Variants in PLXNC1 observed in about 807,000 individuals in gnomAD.
PLXNC1 encodes the protein plexin C1, also known as plexin-C1.
A neutral mutation model predicts 178.2 loss-of-function variants in PLXNC1; 75 were observed. That is an observed-to-expected ratio of 0.42 (90% CI 0.35 to 0.51). PLXNC1 has a LOEUF of 0.51. Ranked by LOEUF, PLXNC1 falls within the 20% of genes least tolerant of loss-of-function variation. PLXNC1 has a pLI of 0.02. For missense variants in PLXNC1, 1,503 were observed against 1,984.4 expected (o/e 0.76, Z 4.61); for synonymous variants, 790 against 779.9 (o/e 1.01, Z -0.22).
Position 94,251,500 on chromosome 12 carries a change from C to A in PLXNC1, c.2853C>A (p.Leu951=), listed in dbSNP as rs1003485317. The A allele has an allele frequency of 1.9e-6, 3 of 1,611,128 alleles. No homozygotes were observed. Among genetic ancestry groups the A allele is most frequent in the South Asian group, 2.2e-5 (2 of 91,012 alleles). The change falls in exon 15 of 31, where the codon CTC becomes CTA. Residue 951 remains leucine, a synonymous_variant. Coordinates refer to ENST00000258526, the MANE Select transcript of PLXNC1 (RefSeq NM_005761.3). ...VPSTWYFLIV[L]PVLLVIVIFA... is the part of the protein sequence containing the mutation. ...CCACATGGTATTTTCTGATTGTGCT[C>A]CCTGTCTTGCTAGTGATTGTCATTT... is the stretch of plus-strand genomic sequence containing the variant.
At chr12:94,238,104 A>G (rs1964289371) in intron 10 of PLXNC1, among the ~76,000 whole-genome samples, 2 of 152,206 alleles carry the variant, frequency 1.3e-5, no homozygotes, top group Non-Finnish European at 2.9e-5. Flanking sequence ...AATCAAGTAT[A>G]TGGAGTAGCA....
intron 1 of PLXNC1, among the ~76,000 whole-genome samples, chr12:94,165,077 A>G (rs1961558071): frequency 6.6e-6 from 1 of 152,206 alleles, no homozygotes; most frequent in Non-Finnish European, 1.5e-5. Context: ...AATAAATTAC[A>G]CATAATAAAC....
intron 4 of PLXNC1, among the ~76,000 whole-genome samples, chr12:94,201,302 G>GC (rs1963108522): frequency 6.6e-6 from 1 of 152,252 alleles, no homozygotes; most frequent in African/African-American, 2.4e-5. Flanking sequence ...TGGGCATTGA[G>GC]CTGGTGTGTG....
At chr12:94,173,637 A>G (rs1297417737) in intron 2 of PLXNC1, among the ~76,000 whole-genome samples, 1 of 152,200 alleles carries the variant, frequency 6.6e-6, no homozygotes, top group African/African-American at 2.4e-5. Flanking sequence ...TCTGAACCAA[A>G]ATAATCTGTC....
rs368564933 is a variant in PLXNC1 at position 94,282,350 on chromosome 12, C to T, written c.3828C>T (p.Ser1276=). 38 of 1,613,928 alleles carry T rather than the reference C, an allele frequency of 2.4e-5. No homozygotes were observed. In the South Asian group the frequency reaches 2.6e-4, roughly 11 times the overall value. ...AACTTCTGGACATCGACAGTTCCTC[C>T]GTGATTCTTGAAGATGGAATCACCA... ...QKELLDIDSS[S]VILEDGITKL... The change falls in exon 23 of 31, where the codon TCC becomes TCT. Residue 1276 remains serine (S), a synonymous_variant. Transcript: ENST00000258526.
At chr12:94,193,396 G>C (rs563508190) in intron 4 of PLXNC1, among the ~76,000 whole-genome samples, 2 of 152,222 alleles carry the variant, frequency 1.3e-5, no homozygotes, top group South Asian at 4.1e-4. Context: ...GTGGATTAGA[G>C]AGCTATTTAG....
chr12:94,286,643 T>C (rs1466633865), intron 23 of PLXNC1, among the ~76,000 whole-genome samples: 1 of 131,608 alleles, frequency 7.6e-6, no homozygotes, highest in South Asian at 2.4e-4. Flanking sequence ...AAAAAAAAAA[T>C]TCATTTAAAA....
At chr12:94,207,141 T>G (rs143978792) in intron 4 of PLXNC1, among the ~76,000 whole-genome samples, 114 of 152,324 alleles carry the variant, frequency 7.5e-4, no homozygotes, top group African/African-American at 2.6e-3. Flanking sequence ...TTATACATAC[T>G]TGGTGTCATG....
chr12:94,250,973 A>T (rs764720463), intron 14 of PLXNC1, among the ~76,000 whole-genome samples: 3 of 152,164 alleles, frequency 2.0e-5, no homozygotes, highest in Non-Finnish European at 4.4e-5. Context: ...GTGGGCTATG[A>T]TCACACCACT....
Position 94,186,500 on chromosome 12 carries a change from C to G in PLXNC1, c.1439+27C>G, listed in dbSNP as rs1049370501. On this transcript the variant is annotated intron_variant, in intron 4 of 30. Transcript: ENST00000258526. The stretch of plus-strand genomic sequence containing the variant: ...TATCTCCTGAATTCTTTCTCACCAA[C>G]TCGCATTTTTGAAAAAGTGTCATGC... 13 of 1,506,322 alleles carry G rather than the reference C, an allele frequency of 8.6e-6. No homozygotes were observed. In the Admixed American group the frequency reaches 2.2e-4, roughly 25 times the overall value. 93.3% of individuals were successfully genotyped at this position (1,506,322 alleles called of 1,614,324 possible).
chr12:94,236,252 C>T (rs1042958018), intron 9 of PLXNC1, among the ~76,000 whole-genome samples: 8 of 152,216 alleles, frequency 5.3e-5, no homozygotes, highest in African/African-American at 1.7e-4. Flanking sequence ...ATGACATTAA[C>T]AATGAATTTA....
intron 21 of PLXNC1, among the ~76,000 whole-genome samples, chr12:94,273,723 C>A (rs996229003): frequency 6.6e-6 from 1 of 152,202 alleles, no homozygotes; most frequent in Non-Finnish European, 1.5e-5. Context: ...GTGCCCTGCA[C>A]ACAATAGGTG....
chr12:94,166,706 C>T (rs559279612), intron 1 of PLXNC1, among the ~76,000 whole-genome samples: 6 of 151,984 alleles, frequency 3.9e-5, no homozygotes, highest in Admixed American at 2.0e-4. Context: ...CAAATGTAAA[C>T]GAGTGCTGGG....
chr12:94,202,452 A>G (rs1963167802), intron 4 of PLXNC1, among the ~76,000 whole-genome samples: 1 of 152,196 alleles, frequency 6.6e-6, no homozygotes, highest in African/African-American at 2.4e-5. Flanking sequence ...GTAGCTGGAG[A>G]GACAGGCAGG....
At chr12:94,203,949 C>G (rs943279931) in intron 4 of PLXNC1, among the ~76,000 whole-genome samples, 3 of 152,212 alleles carry the variant, frequency 2.0e-5, no homozygotes, top group African/African-American at 7.2e-5. Context: ...GCTGCAAATT[C>G]AGTCTCTTTC....
At chr12:94,189,466 C>T (rs1962641338) in intron 4 of PLXNC1, among the ~76,000 whole-genome samples, 3 of 152,004 alleles carry the variant, frequency 2.0e-5, no homozygotes, top group Admixed American at 2.0e-4. Context: ...ATCACTTGAG[C>T]CCAAGAGTTT....
chr12:94,254,680 T>C (rs767774260), intron 15 of PLXNC1, 107 bp from the exon 16 acceptor site: 7 of 732,012 alleles, frequency 9.6e-6, no homozygotes, highest in African/African-American at 5.3e-5. Context: ...TGTCCCTATC[T>C]GTTTTGTTTT....
chr12:94,215,970 A>T (rs992831205), intron 5 of PLXNC1, among the ~76,000 whole-genome samples: 12 of 152,200 alleles, frequency 7.9e-5, no homozygotes, highest in African/African-American at 2.9e-4. Flanking sequence ...TTTACAAAAA[A>T]TAAGAGTTAA....
At position 94,247,258 on chromosome 12, in the gene PLXNC1, T is replaced by C. The variant is rs75661601; in HGVS notation, c.2389-645T>C. 3.1e-3 allele frequency among the ~76,000 whole-genome samples: 470 copies of C among 152,244 alleles called. 2 individuals carry two copies. The East Asian group carries it at 0.035, about 11-fold the overall frequency. On this transcript the variant is annotated intron_variant, in intron 12 of 30. Transcript: ENST00000258526. The stretch of plus-strand genomic sequence containing the variant: ...TTTTAATCCTGTAAATCAGGCCACC[T>C]TTTTTGCATTGTTTTCAGTTTTCAT...
Sources: allele counts gnomAD v4.1 joint callset (sites outside exome capture counted in the v4.1 genomes callset), GRCh38; gene constraint gnomAD v4.1.1; transcripts MANE v1.5; gene names NCBI Gene and HGNC (gene_info 2026-07-23, HGNC 2026-07-21).